The following CADPS2 variants were observed in gnomAD, a reference collection of about 807,000 sequenced individuals.
CADPS2 encodes calcium dependent secretion activator 2, also known as calcium-dependent secretion activator 2.
Under a neutral mutation model 172.5 loss-of-function variants are expected in CADPS2, and 93 were observed. The observed-to-expected ratio is 0.54, with a 90% CI of 0.46 to 0.64. The LOEUF is 0.64. Ranked by LOEUF, CADPS2 falls within the 30% of genes least tolerant of loss-of-function variation. The probability of loss-of-function intolerance (pLI) is 0.00; values close to 1 mark genes in which losing one functional copy is unlikely to be tolerated. For synonymous variants in CADPS2, 546 were observed against 555.2 expected, an observed-to-expected ratio of 0.98 and a Z score of 0.23; for missense variants, 1,420 against 1,565.9, an observed-to-expected ratio of 0.91 and a Z score of 1.57.
chr7:122,741,304 A>G (rs941265815), intron 1 of CADPS2, among the ~76,000 whole-genome samples: 1 of 152,204 alleles, frequency 6.6e-6, no homozygotes, highest in African/African-American at 2.4e-5. Flanking sequence ...CCATATATAG[A>G]CAGAAACTAG....
At chr7:122,377,526 C>T (rs776777656) in intron 25 of CADPS2, among the ~76,000 whole-genome samples, 6 of 152,096 alleles carry the variant, frequency 3.9e-5, no homozygotes, top group Non-Finnish European at 5.9e-5. Flanking sequence ...GCAACTTCCG[C>T]ATGAGGACTA....
chr7:122,456,773 T>C (rs569113347), intron 14 of CADPS2, among the ~76,000 whole-genome samples: 1 of 152,314 alleles, frequency 6.6e-6, no homozygotes, highest in South Asian at 2.1e-4. Context: ...CATACACACG[T>C]GTGCACACAA....
intron 13 of CADPS2, among the ~76,000 whole-genome samples, chr7:122,473,755 A>G (rs932197210): frequency 6.6e-6 from 1 of 152,200 alleles, no homozygotes; most frequent in Non-Finnish European, 1.5e-5. Context: ...TTCCTTTTAA[A>G]TAAATTATAC....
chr7:122,348,048 C>T (rs1018435513), intron 27 of CADPS2, among the ~76,000 whole-genome samples: 2 of 152,116 alleles, frequency 1.3e-5, no homozygotes, highest in African/African-American at 2.4e-5. Context: ...GGGTACAGCC[C>T]AGTTGAACTG....
At chr7:122,493,281 G>A (rs537316891) in intron 9 of CADPS2, among the ~76,000 whole-genome samples, 1 of 152,196 alleles carries the variant, frequency 6.6e-6, no homozygotes, top group South Asian at 2.1e-4. Flanking sequence ...TGTACCTGAG[G>A]CCAAAAAGAG....
intron 7 of CADPS2, among the ~76,000 whole-genome samples, chr7:122,574,075 T>C (rs1258328423): frequency 6.6e-6 from 1 of 152,064 alleles, no homozygotes; most frequent in East Asian, 1.9e-4. Flanking sequence ...ACACGGTATT[T>C]TTGAAATTAT....
chr7:122,594,579 A>T (rs2071445125), intron 6 of CADPS2, among the ~76,000 whole-genome samples: 1 of 152,022 alleles, frequency 6.6e-6, no homozygotes. Flanking sequence ...CATCCAGAGT[A>T]GAAAAATCAT....
At chr7:122,370,855 G>C (rs1451955653) in intron 25 of CADPS2, among the ~76,000 whole-genome samples, 1 of 152,122 alleles carries the variant, frequency 6.6e-6, no homozygotes, top group Non-Finnish European at 1.5e-5. Flanking sequence ...AGTGTTATGG[G>C]GACAAGAGCA....
At chr7:122,863,829 A>C (rs1368321342) in intron 1 of CADPS2, among the ~76,000 whole-genome samples, 1 of 152,206 alleles carries the variant, frequency 6.6e-6, no homozygotes, top group African/African-American at 2.4e-5. Context: ...CAGGCATTTG[A>C]GAACAGCCTG....
At chr7:122,848,120 T>C (rs976221717) in intron 1 of CADPS2, among the ~76,000 whole-genome samples, 2 of 152,202 alleles carry the variant, frequency 1.3e-5, no homozygotes, top group Non-Finnish European at 2.9e-5. Flanking sequence ...CTTAATCTTA[T>C]TAGAATACTC....
chr7:122,569,832 G>C (rs1380798829), intron 7 of CADPS2, among the ~76,000 whole-genome samples: 10 of 132,016 alleles, frequency 7.6e-5, no homozygotes, highest in South Asian at 2.5e-4. Context: ...TAGCCATATG[G>C]AGAAAGCTGA....
chr7:122,696,964 A>G (rs989303754), intron 2 of CADPS2, among the ~76,000 whole-genome samples: 17 of 152,152 alleles, frequency 1.1e-4, no homozygotes, highest in African/African-American at 4.1e-4. Flanking sequence ...TAATTTCTAT[A>G]TTGTATCACT....
At chr7:122,505,754 T>A (rs934039645) in intron 9 of CADPS2, among the ~76,000 whole-genome samples, 11 of 152,226 alleles carry the variant, frequency 7.2e-5, no homozygotes, top group Non-Finnish European at 1.5e-4. Flanking sequence ...CTGCAACCTA[T>A]TAATGCTATC....
At chr7:122,364,885 G>A (rs1353867032) in intron 25 of CADPS2, among the ~76,000 whole-genome samples, 1 of 152,174 alleles carries the variant, frequency 6.6e-6, no homozygotes, top group Non-Finnish European at 1.5e-5. Flanking sequence ...ATGACACAAG[G>A]CAGAAGTGTT....
Position 122,319,318 on chromosome 7 carries a change from A to C in CADPS2, c.*847T>G, listed in dbSNP as rs567135090. 2.6e-5 allele frequency: 4 copies of C among 152,348 alleles called. No homozygotes were observed. The highest frequency in any genetic ancestry group is 4.1e-4 in the South Asian group (2 of 4,826). 9.4% of individuals were successfully genotyped at this position (152,348 alleles called of 1,614,324 possible). ...ACTCAAGAAACAAAAACACAGAGTC[A>C]GATAGTTGGGATGTTTGAAACACTG... is the stretch of plus-strand genomic sequence containing the variant. On this transcript the variant is annotated 3_prime_UTR_variant, in exon 30 of 30. Coordinates refer to ENST00000449022, the MANE Select transcript of CADPS2 (RefSeq NM_017954.11).
chr7:122,464,383 T>A (rs1001496212), intron 14 of CADPS2, among the ~76,000 whole-genome samples: 1 of 152,182 alleles, frequency 6.6e-6, no homozygotes, highest in African/African-American at 2.4e-5. Flanking sequence ...ATAAATAAAT[T>A]GGAAAGAAGA....
intron 14 of CADPS2, among the ~76,000 whole-genome samples, chr7:122,460,549 C>T (rs1411475111): frequency 1.3e-5 from 2 of 151,682 alleles, no homozygotes; most frequent in East Asian, 1.9e-4. Flanking sequence ...ATTCAGAGCC[C>T]AGGACTTTTA....
intron 22 of CADPS2, 129 bp downstream of exon 22, chr7:122,393,061 CAAATAA>C (rs2044585891): frequency 1.9e-6 from 2 of 1,076,714 alleles, no homozygotes; most frequent in African/African-American, 3.3e-5. Context: ...CTTAAAAACT[CAAATAA>C]AAAAAAAAAA....
chr7:122,818,343 G>A (rs1157633630), intron 1 of CADPS2, among the ~76,000 whole-genome samples: 3 of 152,072 alleles, frequency 2.0e-5, no homozygotes, highest in Admixed American at 2.0e-4. Flanking sequence ...CCAGAAAATG[G>A]CACTTTGAAT....
Sources: allele counts gnomAD v4.1 joint callset (sites outside exome capture counted in the v4.1 genomes callset), GRCh38; gene constraint gnomAD v4.1.1; transcripts MANE v1.5; gene names NCBI Gene and HGNC (gene_info 2026-07-23, HGNC 2026-07-21).